The following SF3B1 variants were observed in gnomAD, a reference collection of about 807,000 sequenced individuals.
SF3B1 encodes pre-mRNA processing 10.
Under a neutral mutation model 153.8 loss-of-function variants are expected in SF3B1, and 12 were observed. The ratio of observed to expected loss-of-function variants is 0.08; its 90% CI spans 0.05 to 0.13. The LOEUF (loss-of-function observed/expected upper bound fraction) is 0.13. Ranked by LOEUF, SF3B1 falls within the 10% of genes least tolerant of loss-of-function variation. The pLI, the probability that SF3B1 is intolerant of heterozygous loss-of-function variation, is 1.00. For missense variants in SF3B1, 513 were observed against 1,606.1 expected, an observed-to-expected ratio of 0.32 and a Z score of 11.63; for synonymous variants, 498 against 525.2, an observed-to-expected ratio of 0.95 and a Z score of 0.71.
At chr2:197,398,756 A>G (rs562842251) in intron 20 of SF3B1, 175 bp from the exon 21 acceptor site, 1 of 613,802 alleles carries the variant, frequency 1.6e-6, no homozygotes, top group Admixed American at 3.2e-5. Flanking sequence ...TTTTATTAAC[A>G]ATTTTTGATT....
chr2:197,412,318 A>G (rs1017816010), intron 6 of SF3B1, among the ~76,000 whole-genome samples: 1 of 150,956 alleles, frequency 6.6e-6, no homozygotes, highest in Non-Finnish European at 1.5e-5. Flanking sequence ...CAGAATTTTT[A>G]AAAAAGTCTG....
chr2:197,435,021 A>G lies in SF3B1; in HGVS notation c.-22T>C, dbSNP rs1316160829. On this transcript the variant is annotated 5_prime_UTR_variant, in exon 1 of 25. Coordinates refer to ENST00000335508, the MANE Select transcript of SF3B1 (RefSeq NM_012433.4). ...CCATTTTGTCCACTCGAACACACAG[A>G]CGGAACTGGCGCTCCCAAGAACTTC... 1.9e-6 allele frequency: 3 copies of G among 1,614,134 alleles called. No individual in the cohort carries two copies. Among genetic ancestry groups the G allele is most frequent in the Non-Finnish European group, 2.5e-6 (3 of 1,180,048 alleles).
At chr2:197,396,443 A>G (rs1051224024) in intron 22 of SF3B1, 115 bp from the exon 23 acceptor site, 3 of 773,610 alleles carry the variant, frequency 3.9e-6, no homozygotes, top group East Asian at 5.4e-5. Context: ...GGAACTCAGT[A>G]ATTTTATAAA....
rs1354754289 is a variant in SF3B1, at chr2:197,434,954, C to G, written c.28+18G>C. On this transcript the variant is annotated intron_variant, in intron 1 of 24. Coordinates refer to ENST00000335508, the MANE Select transcript of SF3B1 (RefSeq NM_012433.4). The stretch of plus-strand genomic sequence containing the variant: ...GCTAGCAACGAAGAAAACACGTAAG[C>G]AGGGAAAGACCGCTTACCTTCGTGA... The G allele has an allele frequency of 1.2e-6, 2 of 1,612,860 alleles. No homozygotes were observed. The highest frequency in any genetic ancestry group is 2.7e-5 in the African/African-American group (2 of 74,940).
At chr2:197,398,266 A>T in intron 21 of SF3B1, 150 bp from the exon 22 acceptor site, 1 of 850,590 alleles carries the variant, frequency 1.2e-6, no homozygotes, top group Non-Finnish European at 1.9e-6. Context: ...AGTTAGTCTT[A>T]CAGGTTTAGT....
rs766004445 is a variant in SF3B1 at position 197,400,783 on chromosome 2, T to C, written c.2650A>G (p.Ile884Val). ...AGTTGTTCTTCAAGTTTATGATCAA[T>C]ATCTGCTGCTCCCAAATTACCCATA... ...KIMGNLGAAD[I>V]DHKLEEQLID... The change falls in exon 18 of 25, where the codon ATT (isoleucine) becomes GTT (valine). Residue 884 changes from isoleucine (I) to valine (V), a missense_variant. Coordinates refer to ENST00000335508, the MANE Select transcript of SF3B1 (RefSeq NM_012433.4). This position sits in a 1 kb window ranked among gnomAD's most constrained non-coding sequence, Gnocchi z 5.0. 6.2e-7 allele frequency: 1 copy of C among 1,613,462 alleles called. No individual in the cohort carries two copies. The highest frequency in any genetic ancestry group is 8.5e-7 in the Non-Finnish European group (1 of 1,179,538).
intron 23 of SF3B1, 181 bp from the exon 24 acceptor site, chr2:197,393,369 T>C (rs2084836163): frequency 1.7e-6 from 1 of 586,866 alleles, no homozygotes; most frequent in Admixed American, 3.2e-5. Flanking sequence ...TAATATATCC[T>C]TTAGAATAGC....
At chr2:197,417,983 C>T (rs1340132969) in intron 5 of SF3B1, among the ~76,000 whole-genome samples, 2 of 151,884 alleles carry the variant, frequency 1.3e-5, no homozygotes, top group Non-Finnish European at 2.9e-5. Flanking sequence ...CACCTGTAAT[C>T]CCAGCACTTT....
intron 20 of SF3B1, among the ~76,000 whole-genome samples, 193 bp downstream of exon 20, chr2:197,399,862 T>C (rs773567731): frequency 2.0e-5 from 3 of 152,144 alleles, no homozygotes; most frequent in Non-Finnish European, 2.9e-5. Flanking sequence ...TTTTTTTCTC[T>C]TTAAAGTAAA....
At chr2:197,398,626 T>G in intron 20 of SF3B1, 45 bp from the exon 21 acceptor site, 1 of 1,575,376 alleles carries the variant, frequency 6.3e-7, no homozygotes, top group Non-Finnish European at 8.7e-7. Context: ...GAATTGCAAC[T>G]TTTGTTCACT....
intron 11 of SF3B1, 135 bp from the exon 12 acceptor site, chr2:197,403,899 T>C: frequency 1.3e-5 from 8 of 614,898 alleles, no homozygotes; most frequent in Non-Finnish European, 1.9e-5. Context: ...ATAGACAGCA[T>C]GAGTTCATTT....
At chr2:197,407,968 A>G in intron 9 of SF3B1, 30 bp downstream of exon 9, 9 of 1,599,038 alleles carry the variant, frequency 5.6e-6, no homozygotes, top group Non-Finnish European at 7.7e-6. Flanking sequence ...TATATCCTAA[A>G]TACCACCTCA....
In SF3B1 at chr2:197,420,014, C is replaced by A. The variant is rs550307933; in HGVS notation, c.415+414G>T. ...CCTTTACTAAGCTATATTTAGAGCACTATGGGGGGAGCTCTAGTGTGAGAA... is the reference window on the plus strand; with the variant it reads ...CCTTTACTAAGCTATATTTAGAGCAATATGGGGGGAGCTCTAGTGTGAGAA... On this transcript the variant is annotated intron_variant, in intron 4 of 24. Coordinates refer to ENST00000335508, the MANE Select transcript of SF3B1 (RefSeq NM_012433.4). The A allele has an allele frequency of 2.1e-5, 5 of 234,024 alleles. No individual in the cohort carries two copies. In the South Asian group the frequency reaches 5.0e-4, roughly 23 times the overall value. 14.5% of individuals were successfully genotyped at this position (234,024 alleles called of 1,614,324 possible).
chr2:197,412,502 C>T (rs2085084875), intron 6 of SF3B1, among the ~76,000 whole-genome samples: 2 of 151,338 alleles, frequency 1.3e-5, no homozygotes, highest in South Asian at 4.2e-4. Flanking sequence ...ATTACAGGTG[C>T]CTGCCACCAC....
At chr2:197,433,601 C>T (rs2085476504) in intron 1 of SF3B1, among the ~76,000 whole-genome samples, 1 of 152,204 alleles carries the variant, frequency 6.6e-6, no homozygotes, top group South Asian at 2.1e-4. Flanking sequence ...AAATGGTATA[C>T]TAATATTAAA....
chr2:197,425,361 G>A (rs2085317225), intron 1 of SF3B1, among the ~76,000 whole-genome samples: 3 of 152,314 alleles, frequency 2.0e-5, no homozygotes, highest in Admixed American at 6.5e-5. Flanking sequence ...AGCTACTCGG[G>A]AGGCTGAGGC....
chr2:197,431,437 C>A (rs1392292882), intron 1 of SF3B1, among the ~76,000 whole-genome samples: 3 of 152,092 alleles, frequency 2.0e-5, no homozygotes, highest in Admixed American at 6.6e-5. Flanking sequence ...TCTTTCTAAG[C>A]CTTAGATCCT....
At chr2:197,410,435 C>G (rs1380736208) in intron 6 of SF3B1, among the ~76,000 whole-genome samples, 2 of 151,570 alleles carry the variant, frequency 1.3e-5, no homozygotes, top group East Asian at 1.9e-4. Flanking sequence ...AGAAAATAGT[C>G]CTGTTGATGT....
At chr2:197,395,511 T>TAA (rs2084866455) in intron 23 of SF3B1, among the ~76,000 whole-genome samples, 1 of 152,234 alleles carries the variant, frequency 6.6e-6, no homozygotes, top group African/African-American at 2.4e-5. Context: ...TACTTCTGTG[T>TAA]TTAAGGCTGT....
Sources: gnomAD v4.1 joint callset for allele counts (sites outside exome capture counted in the v4.1 genomes callset) on GRCh38, gnomAD v4.1.1 for gene constraint, Gnocchi (gnomAD v3.1) non-coding constraint, MANE v1.5 for transcripts, NCBI Gene and HGNC (gene_info 2026-07-23, HGNC 2026-07-21) for gene names.